Variants in SND1 observed in about 807,000 individuals in gnomAD.
SND1 encodes staphylococcal nuclease and tudor domain containing 1.
Under a neutral mutation model 121.7 loss-of-function variants are expected in SND1, and 38 were observed. The ratio of observed to expected loss-of-function variants is 0.31; its 90% CI spans 0.24 to 0.41. The LOEUF (loss-of-function observed/expected upper bound fraction) is 0.41, where lower values mean the gene tolerates loss of function less well. SND1 is among the 10% of genes least tolerant of loss of function. SND1 has a pLI of 1.00. For missense variants in SND1, 868 were observed against 1,184.6 expected (o/e 0.73, Z 3.92); for synonymous variants, 401 against 447.4 (o/e 0.90, Z 1.31).
chr7:127,903,269 C>T (rs1028075339), intron 13 of SND1, among the ~76,000 whole-genome samples: 6 of 152,144 alleles, frequency 3.9e-5, no homozygotes, highest in African/African-American at 1.4e-4. Flanking sequence ...AGTGATCTGC[C>T]CGCCTTGGCT....
intron 15 of SND1, among the ~76,000 whole-genome samples, chr7:127,972,437 T>C (rs1802015760): frequency 6.6e-6 from 1 of 152,138 alleles, no homozygotes; most frequent in South Asian, 2.1e-4. Flanking sequence ...TTTTATATTT[T>C]TTATAGAGAC....
intron 8 of SND1, among the ~76,000 whole-genome samples, chr7:127,706,717 A>T (rs1255266694): frequency 6.6e-6 from 1 of 152,160 alleles, no homozygotes; most frequent in Non-Finnish European, 1.5e-5. Flanking sequence ...ATAATATGTG[A>T]TTACTTGTCT....
intron 10 of SND1, among the ~76,000 whole-genome samples, chr7:127,737,312 T>G (rs917696837): frequency 1.3e-5 from 2 of 152,106 alleles, no homozygotes; most frequent in Non-Finnish European, 1.5e-5. Context: ...TGGTGGCTCA[T>G]GCTTGTAATC....
chr7:127,706,720 A>G (rs773747245), intron 8 of SND1, among the ~76,000 whole-genome samples: 2 of 152,208 alleles, frequency 1.3e-5, no homozygotes, highest in Non-Finnish European at 2.9e-5. Context: ...ATATGTGATT[A>G]CTTGTCTGCT....
intron 10 of SND1, among the ~76,000 whole-genome samples, chr7:127,752,145 T>A (rs1797107863): frequency 6.6e-6 from 1 of 152,246 alleles, no homozygotes; most frequent in Admixed American, 6.5e-5. Flanking sequence ...ATTGTCTTCC[T>A]AATATAACTG....
rs1242251261 is a variant in SND1, at chr7:127,904,757, A to C, written c.1465A>C (p.Asn489His). ...CTTCTTCCTTAACAGAGCTATTAAG[A>C]ATGGCAAAGGATTGCATAGCAAGAA... ...LLAAEARAIKNGKGLHSKKEV... is the reference protein window; with the variant it reads ...LLAAEARAIKHGKGLHSKKEV... The change falls in exon 14 of 24, where the codon AAT becomes CAT. Residue 489 changes from asparagine to histidine, a missense_variant. Physicochemically the swap from Asn to His is moderately conservative, Grantham distance 68 (BLOSUM62 1). Transcript: ENST00000354725. 12 of 1,609,250 alleles carry C rather than the reference A, an allele frequency of 7.5e-6. No individual in the cohort carries two copies. The highest frequency in any genetic ancestry group is 1.0e-5 in the Non-Finnish European group (12 of 1,175,730).
intron 13 of SND1, among the ~76,000 whole-genome samples, chr7:127,895,109 A>G (rs1800091966): frequency 6.6e-6 from 1 of 151,874 alleles, no homozygotes; most frequent in African/African-American, 2.4e-5. Flanking sequence ...TATTCCTGAA[A>G]TTCATCTTCT....
intron 14 of SND1, among the ~76,000 whole-genome samples, chr7:127,926,720 T>TGTTG (rs1563060593): frequency 7.0e-6 from 1 of 142,760 alleles, no homozygotes; most frequent in Non-Finnish European, 1.5e-5. Flanking sequence ...ACCCGGCTAT[T>TGTTG]TTGTTGTTGT....
intron 10 of SND1, among the ~76,000 whole-genome samples, chr7:127,798,528 T>A (rs1798067903): frequency 6.6e-6 from 1 of 152,230 alleles, no homozygotes; most frequent in African/African-American, 2.4e-5. Context: ...CTTATTTGTA[T>A]AGAAGTTGGA....
intron 9 of SND1, among the ~76,000 whole-genome samples, chr7:127,709,624 T>A (rs1796264096): frequency 6.6e-6 from 1 of 152,204 alleles, no homozygotes; most frequent in Admixed American, 6.5e-5. Flanking sequence ...GTAGAAGAAT[T>A]TTTTCCATTT....
intron 2 of SND1, among the ~76,000 whole-genome samples, chr7:127,687,404 T>A (rs951783606): frequency 1.3e-5 from 2 of 152,212 alleles, no homozygotes; most frequent in Non-Finnish European, 2.9e-5. Flanking sequence ...GCTTCTAGTG[T>A]ATCCATCACC....
chr7:127,799,950 C>T lies in SND1; in HGVS notation c.1153-7534C>T, dbSNP rs993014251. ...TCGGCCAGGTGGTCACAATTTTAAA[C>T]CTTCCTCCTGCTGCTAGCTTGTAGC... is the stretch of plus-strand genomic sequence containing the variant. On this transcript the variant is annotated intron_variant, in intron 10 of 23. Transcript: ENST00000354725. Among the ~76,000 whole-genome samples, 6 of 152,182 alleles carry T rather than the reference C, an allele frequency of 3.9e-5. 1 individual carries two copies. Among genetic ancestry groups the T allele is most frequent in the Admixed American group, 2.6e-4 (4 of 15,284 alleles).
At chr7:127,997,990 A>G (rs1412361367) in intron 16 of SND1, 7 of 531,444 alleles carry the variant, frequency 1.3e-5, no homozygotes, top group Admixed American at 9.7e-5. Context: ...TACCAATAGT[A>G]TACAAGGGAT....
chr7:127,788,390 A>G (rs1345394242), intron 10 of SND1, among the ~76,000 whole-genome samples: 1 of 152,190 alleles, frequency 6.6e-6, no homozygotes, highest in African/African-American at 2.4e-5. Flanking sequence ...ATATTTATGA[A>G]TCATTCATAA....
intron 11 of SND1, among the ~76,000 whole-genome samples, chr7:127,817,648 CATA>C (rs1798468720): frequency 6.6e-6 from 1 of 151,184 alleles, no homozygotes; most frequent in Admixed American, 6.6e-5. Flanking sequence ...TTGCTGTCCA[CATA>C]ATATGTCACA....
rs1426149062 is a variant in SND1, at chr7:127,844,309, A to C, written c.1243-15A>C. The stretch of plus-strand genomic sequence containing the variant: ...CAGACTCTCAACCCTAATTCCCTTG[A>C]TTCTTTGTTTCCAGGTCAATGTGAC... On this transcript the variant is annotated splice_polypyrimidine_tract_variant and intron_variant, in intron 11 of 23. Coordinates refer to ENST00000354725, the MANE Select transcript of SND1 (RefSeq NM_014390.4). 2 of 1,610,024 alleles carry C rather than the reference A, an allele frequency of 1.2e-6. No homozygotes were observed. The highest frequency in any genetic ancestry group is 1.3e-5 in the African/African-American group (1 of 74,752).
intron 14 of SND1, among the ~76,000 whole-genome samples, chr7:127,911,682 A>G (rs540728096): frequency 3.9e-5 from 6 of 152,170 alleles, no homozygotes; most frequent in African/African-American, 1.4e-4. Flanking sequence ...TTGTATTTTT[A>G]GTAGAGACGG....
chr7:127,815,098 T>G (rs1351457406), intron 11 of SND1, among the ~76,000 whole-genome samples: 5 of 152,158 alleles, frequency 3.3e-5, no homozygotes, highest in Non-Finnish European at 7.3e-5. Flanking sequence ...ATCCCTAAAG[T>G]GTAACAGTTC....
chr7:127,740,756 A>C (rs1194872716), intron 10 of SND1, among the ~76,000 whole-genome samples: 1 of 152,084 alleles, frequency 6.6e-6, no homozygotes, highest in African/African-American at 2.4e-5. Flanking sequence ...TGCAGCTAGG[A>C]TTGAGAACCA....
Sources: allele counts gnomAD v4.1 joint callset (sites outside exome capture counted in the v4.1 genomes callset), GRCh38; gene constraint gnomAD v4.1.1; transcripts MANE v1.5; gene names NCBI Gene and HGNC (gene_info 2026-07-23, HGNC 2026-07-21).